ATG2A: variants seen among roughly 807,000 people sequenced by gnomAD.
ATG2A encodes the protein autophagy-related protein 2 homolog A.
In ATG2A, 103 loss-of-function variants were observed where a neutral mutation model predicts 214.2. The observed-to-expected ratio is 0.48, with a 90% CI of 0.41 to 0.57. The LOEUF is 0.57. Among genes scored for constraint, ATG2A ranks in the 20% least tolerant of loss-of-function variants. The pLI is 0.00. For synonymous variants in ATG2A, 1,160 were observed against 1,142.1 expected (o/e 1.02, Z -0.32); for missense variants, 2,312 against 2,613.2 (o/e 0.88, Z 2.51).
In ATG2A at chr11:64,896,550, C is replaced by G. The variant is rs757615895; in HGVS notation, c.5339G>C (p.Arg1780Pro). The G allele has an allele frequency of 6.2e-7, 1 of 1,613,856 alleles. No homozygotes were observed. Among genetic ancestry groups the G allele is most frequent in the African/African-American group, 1.3e-5 (1 of 74,944 alleles). Residue 1780 changes from arginine (R) to proline (P), a missense_variant, in exon 39 of 41, where the codon CGG (arginine) becomes CCG (proline). Arg to Pro is a moderately radical substitution (Grantham distance 103, BLOSUM62 -2). Coordinates refer to ENST00000377264, the MANE Select transcript of ATG2A (RefSeq NM_015104.3). ...GGAGGCAGCCCCTCGCTGCAGCCCCCGCATGAGGCGGCCATCCTTCCTGTA... is the reference window on the plus strand; with the variant it reads ...GGAGGCAGCCCCTCGCTGCAGCCCCGGCATGAGGCGGCCATCCTTCCTGTA... ...EQYRKDGRLM[R>P]GLQRGAASFG...
Position 64,913,450 on chromosome 11 carries a change from C to A in ATG2A, c.591-49G>T, listed in dbSNP as rs571165068. 2.3e-5 allele frequency: 35 copies of A among 1,506,590 alleles called. No homozygotes were observed. The South Asian group carries it at 4.2e-4, about 18-fold the overall frequency. 93.3% of individuals were successfully genotyped at this position (1,506,590 alleles called of 1,614,324 possible). ...TGCCCTGGCCACCCCAGGCCTGGAGCCCCTCTCTCCACACAGTGCTCTGCT... is the reference window on the plus strand; with the variant it reads ...TGCCCTGGCCACCCCAGGCCTGGAGACCCTCTCTCCACACAGTGCTCTGCT... On this transcript the variant is annotated intron_variant, in intron 4 of 40. Transcript: ENST00000377264. The surrounding 1 kb of genome is among the most constrained non-coding windows in gnomAD (Gnocchi z 4.3).
rs1055437326 is a variant in ATG2A, at chr11:64,903,751, G to A, written c.3465-91C>T. The A allele has an allele frequency of 7.7e-7, 1 of 1,296,146 alleles. No homozygotes were observed. The highest frequency in any genetic ancestry group is 1.1e-6 in the Non-Finnish European group (1 of 938,476). 80.3% of individuals were successfully genotyped at this position (1,296,146 alleles called of 1,614,324 possible). A position where few individuals can be genotyped will look rare whatever the true frequency, so the allele number is the denominator to read the frequency against. On this transcript the variant is annotated intron_variant, in intron 24 of 40. Coordinates refer to ENST00000377264, the MANE Select transcript of ATG2A (RefSeq NM_015104.3). This position sits in a 1 kb window ranked among gnomAD's most constrained non-coding sequence, Gnocchi z 4.2. ...GCAGAGGGGTCCCAAGCCCACAGGA[G>A]GTGGTATGGACAGGCCCCTCCAGCC...
At position 64,895,479 on chromosome 11, in the gene ATG2A, C is replaced by T. The variant is rs1215306952; in HGVS notation, c.5428-37G>A. 1.3e-6 allele frequency: 2 copies of T among 1,501,666 alleles called. No homozygotes were observed. Among genetic ancestry groups the T allele is most frequent in the Admixed American group, 2.1e-5 (1 of 46,988 alleles). The allele number at this position is 1,501,666 out of a possible 1,614,324, so 93.0% of individuals were successfully genotyped here. A position where few individuals can be genotyped will look rare whatever the true frequency, so the allele number is the denominator to read the frequency against. Reference sequence around the variant, plus strand: ...GGGAGCACTGGATGAGGACAGCTGGCTGGGGCACACGTCAGCCCCAGGCCC... The same window carrying T: ...GGGAGCACTGGATGAGGACAGCTGGTTGGGGCACACGTCAGCCCCAGGCCC... On this transcript the variant is annotated intron_variant, in intron 39 of 40. Transcript: ENST00000377264. The surrounding 1 kb of genome is among the most constrained non-coding windows in gnomAD (Gnocchi z 5.0).
chr11:64,904,348 C>T (rs1944462968), intron 24 of ATG2A, among the ~76,000 whole-genome samples: 1 of 151,996 alleles, frequency 6.6e-6, no homozygotes, highest in Admixed American at 6.6e-5. Context: ...AGTTCGAGAC[C>T]AGCCTGACCA....
chr11:64,895,693 C>T lies in ATG2A; in HGVS notation c.5428-251G>A, dbSNP rs1398603169. Among the ~76,000 whole-genome samples, 1 of 152,172 alleles carries T rather than the reference C, an allele frequency of 6.6e-6. No homozygotes were observed. The highest frequency in any genetic ancestry group is 1.5e-5 in the Non-Finnish European group (1 of 68,020). Reference sequence around the variant, plus strand: ...GGGACTTTCCTAAAGTCTTCTCAACCCAAACCTCTCTTCCTGCTGACCACC... The same window carrying T: ...GGGACTTTCCTAAAGTCTTCTCAACTCAAACCTCTCTTCCTGCTGACCACC... On this transcript the variant is annotated intron_variant, in intron 39 of 40. Transcript: ENST00000377264. The surrounding 1 kb of genome is among the most constrained non-coding windows in gnomAD (Gnocchi z 5.0).
intron 12 of ATG2A, 30 bp from the exon 13 acceptor site, chr11:64,910,225 G>A (rs1216650232): frequency 6.4e-7 from 1 of 1,561,750 alleles, no homozygotes; most frequent in South Asian, 1.2e-5. Flanking sequence ...GGTCAGTGAG[G>A]GCTGAGTGGT....
intron 37 of ATG2A, chr11:64,897,145 GTAGC>G: frequency 1.6e-6 from 1 of 619,224 alleles, no homozygotes; most frequent in Non-Finnish European, 2.8e-6. Context: ...AGCCTCCTGA[GTAGC>G]TGGGATTACA....
rs543237129 is a variant in ATG2A at position 64,903,596 on chromosome 11, G to A, written c.3529C>T (p.Arg1177Trp). The A allele has an allele frequency of 2.0e-5, 31 of 1,548,056 alleles. No homozygotes were observed. The highest frequency in any genetic ancestry group is 4.9e-5 in the East Asian group (2 of 40,834). Residue 1177 changes from arginine to tryptophan, a missense_variant, in exon 25 of 41, where the codon CGG becomes TGG. Arg to Trp is a moderately radical substitution (Grantham distance 101). Transcript: ENST00000377264. This position sits in a 1 kb window ranked among gnomAD's most constrained non-coding sequence, Gnocchi z 4.2. The stretch of plus-strand genomic sequence containing the variant: ...CAGTCCCGGCCCTGCCCACCTCGCC[G>A]CAGGTCCAGGGTCTCCACCTCACAC... ...DKCEVETLDLRRDYVCVLDVD... is the reference protein window; with the variant it reads ...DKCEVETLDLWRDYVCVLDVD...
chr11:64,906,369 C>T lies in ATG2A; in HGVS notation c.3148G>A (p.Val1050Met). ...TTGTGGGGGTCCAGGTGGATGCGCA[C>T]AGCAGTGGACAACATGTGGGGTCCC... ...GRGPHMLSTA[V>M]RIHLDPHKNV... Residue 1050 changes from valine to methionine, a missense_variant, in exon 21 of 41, where the codon GTG becomes ATG. Physicochemically the swap from Val to Met is conservative, Grantham distance 21 (BLOSUM62 1). Transcript: ENST00000377264. The T allele has an allele frequency of 8.7e-6, 14 of 1,613,276 alleles. No individual in the cohort carries two copies. The highest frequency in any genetic ancestry group is 1.2e-5 in the Non-Finnish European group (14 of 1,179,984).
chr11:64,905,843 C>CA lies in ATG2A; in HGVS notation c.3269dup (p.Leu1090PhefsTer9). ...GGTCATCCAGCACGTCTAGGAACTCCAACAACTTCAGAGGCCAGGGCAGGA... is the reference window on the plus strand; with the variant it reads ...GGTCATCCAGCACGTCTAGGAACTCCAAACAACTTCAGAGGCCAGGGCAGGA... On this transcript the variant is annotated frameshift_variant, in exon 23 of 41. Transcript: ENST00000377264. LOFTEE classifies it high-confidence loss of function. The CA allele has an allele frequency of 6.2e-7, 1 of 1,613,342 alleles. No individual in the cohort carries two copies. The highest frequency in any genetic ancestry group is 8.5e-7 in the Non-Finnish European group (1 of 1,179,934).
At position 64,911,282 on chromosome 11, in the gene ATG2A, G is replaced by A; in HGVS notation, c.1229-7C>T. 6.2e-7 allele frequency: 1 copy of A among 1,612,614 alleles called. No homozygotes were observed. Among genetic ancestry groups the A allele is most frequent in the Non-Finnish European group, 8.5e-7 (1 of 1,179,558 alleles). On this transcript the variant is annotated splice_polypyrimidine_tract_variant and splice_region_variant and intron_variant, in intron 9 of 40. Transcript: ENST00000377264. ...GGGTTGGGGGCCATCTTGCCTGAGG[G>A]GACAGAGGCTTCAGCAGGGGCTCCC...
chr11:64,909,581 G>A, intron 14 of ATG2A, 100 bp downstream of exon 14: 1 of 1,546,408 alleles, frequency 6.5e-7, no homozygotes, highest in Non-Finnish European at 8.7e-7. Flanking sequence ...CTGGGCCAGG[G>A]ACTGCTCGGG....
chr11:64,906,323 C>T lies in ATG2A; in HGVS notation c.3183+11G>A. On this transcript the variant is annotated intron_variant, in intron 21 of 40. Transcript: ENST00000377264. ...GCTAGCAGGAGGGGTGGATGGTAGG[C>T]AAGCCCATACCTTCACATTCTTGTG... is the stretch of plus-strand genomic sequence containing the variant. The T allele has an allele frequency of 6.2e-7, 1 of 1,612,192 alleles. No individual in the cohort carries two copies. The highest frequency in any genetic ancestry group is 1.3e-5 in the African/African-American group (1 of 75,020).
chr11:64,910,253 G>A, intron 12 of ATG2A, 58 bp from the exon 13 acceptor site: 1 of 1,518,538 alleles, frequency 6.6e-7, no homozygotes, highest in Non-Finnish European at 8.8e-7. Flanking sequence ...GGGTGGGACA[G>A]GAAGGCCCTC....
intron 16 of ATG2A, among the ~76,000 whole-genome samples, chr11:64,908,737 G>A (rs943159066): frequency 8.5e-5 from 13 of 152,176 alleles, no homozygotes; most frequent in Non-Finnish European, 1.8e-4. Context: ...CGGGTCAGGT[G>A]GGGCAGGACC....
At chr11:64,896,900 G>A in intron 37 of ATG2A, 31 bp from the exon 38 acceptor site, 1 of 1,610,534 alleles carries the variant, frequency 6.2e-7, no homozygotes, top group South Asian at 1.1e-5. Context: ...GGAGGCAGAA[G>A]GTGAGGCAGA....
In ATG2A at chr11:64,907,515, C is replaced by T. The variant is rs764871771; in HGVS notation, c.2647+10G>A. 2.5e-6 allele frequency: 4 copies of T among 1,612,712 alleles called. No homozygotes were observed. The East Asian group carries it at 6.7e-5, about 27-fold the overall frequency. On this transcript the variant is annotated intron_variant, in intron 18 of 40. Transcript: ENST00000377264. ...TCCTCCCTCTAGCCCAGCGTTAGCA[C>T]CTCTCATACCCAGCTTGAAGGCTGA...
intron 30 of ATG2A, 118 bp from the exon 31 acceptor site, chr11:64,900,747 CG>C (rs1467432331): frequency 2.1e-6 from 3 of 1,444,662 alleles, no homozygotes; most frequent in Non-Finnish European, 2.7e-6. Flanking sequence ...GGAAGGCAGG[CG>C]GGATAAGGAA....
At chr11:64,914,569 C>G in intron 1 of ATG2A, 69 bp from the exon 2 acceptor site, 3 of 1,555,920 alleles carry the variant, frequency 1.9e-6, no homozygotes, top group Non-Finnish European at 2.6e-6. Flanking sequence ...ACAGCCTTAT[C>G]TGGCCATAGT....
Sources: gnomAD v4.1 joint callset for allele counts (sites outside exome capture counted in the v4.1 genomes callset) on GRCh38, gnomAD v4.1.1 for gene constraint, Gnocchi (gnomAD v3.1) non-coding constraint, MANE v1.5 for transcripts, NCBI Gene and HGNC (gene_info 2026-07-23, HGNC 2026-07-21) for gene names.